The following RGS6 variants were observed in gnomAD, a reference collection of about 807,000 sequenced individuals.
RGS6 encodes the protein regulator of G protein signaling 6.
In RGS6, 30 loss-of-function variants were observed where a neutral mutation model predicts 78.5. That is an observed-to-expected ratio of 0.38 (90% CI 0.29 to 0.52). RGS6 has a LOEUF of 0.52. Ranked by LOEUF, RGS6 falls within the 20% of genes least tolerant of loss-of-function variation. RGS6 has a pLI of 0.85. For synonymous variants in RGS6, 206 were observed against 206.0 expected, an observed-to-expected ratio of 1.00 and a Z score of 0.00; for missense variants, 495 against 609.7, an observed-to-expected ratio of 0.81 and a Z score of 1.98.
At chr14:72,216,180 T>A (rs1482238616) in intron 2 of RGS6, among the ~76,000 whole-genome samples, 1 of 152,216 alleles carries the variant, frequency 6.6e-6, no homozygotes, top group Admixed American at 6.5e-5. Context: ...CAGAGCTAGT[T>A]TGTTTCATGG....
At chr14:71,963,961 AT>A (rs370245330) in intron 1 of RGS6, among the ~76,000 whole-genome samples, 2 of 151,634 alleles carry the variant, frequency 1.3e-5, no homozygotes, top group Admixed American at 6.6e-5. Context: ...TGACTGTGTC[AT>A]TTTACATTCC....
At chr14:72,360,937 G>C (rs916402765) in intron 3 of RGS6, among the ~76,000 whole-genome samples, 213 of 152,274 alleles carry the variant, frequency 1.4e-3, no homozygotes, top group African/African-American at 5.0e-3. Flanking sequence ...CACGAGGTCT[G>C]ATGGTTTTTA....
chr14:72,281,144 CT>C (rs11381940), intron 2 of RGS6, among the ~76,000 whole-genome samples: 4,298 of 112,794 alleles, frequency 0.038, 53 homozygotes, highest in African/African-American at 0.11. Flanking sequence ...AAACAAGATT[CT>C]TTTTTTTTTT....
chr14:72,395,775 A>C (rs1454397462), intron 3 of RGS6, among the ~76,000 whole-genome samples: 1 of 151,602 alleles, frequency 6.6e-6, no homozygotes. Flanking sequence ...GAGTGAGAAC[A>C]TGTGGTGTTT....
At chr14:72,368,837 A>G (rs2082912458) in intron 3 of RGS6, among the ~76,000 whole-genome samples, 1 of 152,196 alleles carries the variant, frequency 6.6e-6, no homozygotes. Flanking sequence ...GCCCCCCAAA[A>G]TATCAGCTTC....
intron 2 of RGS6, among the ~76,000 whole-genome samples, chr14:72,196,018 G>A (rs2040026057): frequency 6.6e-6 from 1 of 152,180 alleles, no homozygotes; most frequent in African/African-American, 2.4e-5. Context: ...GGAGCAGAAG[G>A]GAGGATGAGT....
intron 3 of RGS6, among the ~76,000 whole-genome samples, chr14:72,357,619 G>C (rs1427087877): frequency 6.6e-6 from 1 of 152,180 alleles, no homozygotes; most frequent in Non-Finnish European, 1.5e-5. Flanking sequence ...GTGAAACTTT[G>C]AACTTGAGAG....
At chr14:72,182,432 AAAAGC>A (rs2097186114) in intron 2 of RGS6, among the ~76,000 whole-genome samples, 1 of 151,678 alleles carries the variant, frequency 6.6e-6, no homozygotes, top group Non-Finnish European at 1.5e-5. Flanking sequence ...AAAAAAAAAA[AAAAGC>A]AAGCAAGAAA....
At chr14:72,226,728 A>C (rs549619753) in intron 2 of RGS6, among the ~76,000 whole-genome samples, 4 of 152,244 alleles carry the variant, frequency 2.6e-5, no homozygotes, top group Admixed American at 1.3e-4. Flanking sequence ...ATTGAGACAG[A>C]GTCATGCTGT....
chr14:72,519,405 C>A (rs1312114240), intron 15 of RGS6, among the ~76,000 whole-genome samples: 1 of 152,224 alleles, frequency 6.6e-6, no homozygotes, highest in African/African-American at 2.4e-5. Flanking sequence ...ACTTCTCTCA[C>A]CTCTGGGGCC....
intron 2 of RGS6, among the ~76,000 whole-genome samples, chr14:72,303,860 C>A (rs1277709073): frequency 1.3e-5 from 2 of 152,208 alleles, no homozygotes; most frequent in Non-Finnish European, 2.9e-5. Context: ...ATTAAGATAT[C>A]ATTTCTCTAT....
chr14:72,283,188 A>C (rs1361357568), intron 2 of RGS6, among the ~76,000 whole-genome samples: 2 of 152,172 alleles, frequency 1.3e-5, no homozygotes, highest in African/African-American at 4.8e-5. Context: ...TGAGACACTT[A>C]GGTTGTTTCT....
At chr14:72,295,000 C>G (rs2064441222) in intron 2 of RGS6, among the ~76,000 whole-genome samples, 1 of 152,122 alleles carries the variant, frequency 6.6e-6, no homozygotes, top group Non-Finnish European at 1.5e-5. Flanking sequence ...ACATCAGAAC[C>G]CTTTGTTCAG....
At chr14:71,940,051 C>T (rs1473453267) in intron 1 of RGS6, among the ~76,000 whole-genome samples, 2 of 152,182 alleles carry the variant, frequency 1.3e-5, no homozygotes, top group East Asian at 3.8e-4. Flanking sequence ...AGTCCAGGGA[C>T]CCACTGGACA....
At chr14:72,216,759 TC>T (rs1477182757) in intron 2 of RGS6, among the ~76,000 whole-genome samples, 2 of 152,168 alleles carry the variant, frequency 1.3e-5, no homozygotes, top group Admixed American at 1.3e-4. Flanking sequence ...TGTTTCTCTC[TC>T]TCTGGTTGCT....
intron 3 of RGS6, among the ~76,000 whole-genome samples, chr14:72,354,044 G>T (rs1361561109): frequency 6.6e-6 from 1 of 151,600 alleles, no homozygotes; most frequent in Non-Finnish European, 1.5e-5. Context: ...GCACACACAG[G>T]GTCAATATTA....
intron 2 of RGS6, among the ~76,000 whole-genome samples, chr14:72,051,501 A>G (rs1260105256): frequency 1.3e-5 from 2 of 152,224 alleles, no homozygotes; most frequent in Non-Finnish European, 2.9e-5. Flanking sequence ...AGAAAATTAT[A>G]ATAGCCAATG....
rs988718140 is a variant in RGS6 at position 72,149,108 on chromosome 14, C to T, written c.84+184233C>T. On this transcript the variant is annotated intron_variant, in intron 2 of 17. Transcript: ENST00000553525. ...ATGGCAGTTGATGCTGGCTGTTGGC[C>T]GAACTTGAGCAGGGGTTGTGGCTGG... 7.9e-5 allele frequency among the ~76,000 whole-genome samples: 12 copies of T among 152,146 alleles called. No homozygotes were observed. In the South Asian group the frequency reaches 8.3e-4, roughly 11 times the overall value.
At chr14:71,871,451 C>T in the RGS6 span, among the ~76,000 whole-genome samples, 3 of 152,222 alleles carry the variant, frequency 2.0e-5, no homozygotes, top group Non-Finnish European at 4.4e-5. Context: ...CTTCTCTCCT[C>T]AGAACGTACA....
Sources: gnomAD v4.1 joint callset for allele counts (sites outside exome capture counted in the v4.1 genomes callset) on GRCh38, gnomAD v4.1.1 for gene constraint, MANE v1.5 for transcripts, NCBI Gene and HGNC (gene_info 2026-07-23, HGNC 2026-07-21) for gene names.